Variants in DCC observed in about 807,000 individuals in gnomAD.
DCC encodes the protein netrin receptor DCC.
DCC carries 58 observed loss-of-function variants against 172.5 expected under a neutral mutation model. The observed-to-expected ratio is 0.34, with a 90% CI of 0.27 to 0.42. The LOEUF is 0.42. DCC is among the 10% of genes least tolerant of loss of function. The pLI is 1.00. For missense variants in DCC, 1,740 were observed against 1,791.0 expected (o/e 0.97, Z 0.51); for synonymous variants, 709 against 644.5 (o/e 1.10, Z -1.52).
intron 5 of DCC, among the ~76,000 whole-genome samples, chr18:53,022,036 A>G (rs549597908): frequency 6.6e-6 from 1 of 152,182 alleles, no homozygotes; most frequent in African/African-American, 2.4e-5. Flanking sequence ...TCCAGGTTAT[A>G]TTAATATTCT....
At chr18:52,497,351 A>ATG (rs1555689852) in intron 1 of DCC, among the ~76,000 whole-genome samples, 13 of 84,376 alleles carry the variant, frequency 1.5e-4, no homozygotes, top group Middle Eastern at 6.2e-3. Context: ...ATGCATATAT[A>ATG]TATACACACA....
intron 1 of DCC, among the ~76,000 whole-genome samples, chr18:52,454,229 G>A (rs961890991): frequency 1.3e-5 from 2 of 152,098 alleles, no homozygotes; most frequent in Non-Finnish European, 2.9e-5. Context: ...AACAAAAGCA[G>A]TAAATTTTGC....
intron 7 of DCC, among the ~76,000 whole-genome samples, chr18:53,101,347 G>A (rs2043169906): frequency 6.6e-6 from 1 of 152,068 alleles, no homozygotes. Context: ...CCTGCAGAAA[G>A]AGCTAGTTAG....
intron 23 of DCC, among the ~76,000 whole-genome samples, chr18:53,455,295 G>C (rs963227802): frequency 3.3e-5 from 5 of 152,146 alleles, no homozygotes; most frequent in African/African-American, 1.2e-4. Context: ...GACGATGCCT[G>C]AGTCCGTAGT....
intron 5 of DCC, among the ~76,000 whole-genome samples, chr18:53,053,696 T>C (rs2042364867): frequency 6.6e-6 from 1 of 152,144 alleles, no homozygotes; most frequent in African/African-American, 2.4e-5. Flanking sequence ...TAGAAAATAT[T>C]TGACTGAGGA....
chr18:52,689,201 A>G (rs1235883359), intron 1 of DCC, among the ~76,000 whole-genome samples: 1 of 152,154 alleles, frequency 6.6e-6, no homozygotes, highest in African/African-American at 2.4e-5. Flanking sequence ...TTGGAGCCAT[A>G]TGACTAAATC....
chr18:52,655,377 A>C (rs989924514), intron 1 of DCC, among the ~76,000 whole-genome samples: 1 of 152,178 alleles, frequency 6.6e-6, no homozygotes, highest in Non-Finnish European at 1.5e-5. Context: ...ACTTTCATTG[A>C]AAATGGCGGT....
At chr18:52,715,528 C>A (rs568447820) in intron 1 of DCC, among the ~76,000 whole-genome samples, 5 of 152,208 alleles carry the variant, frequency 3.3e-5, no homozygotes, top group African/African-American at 9.6e-5. Context: ...TGGTCTCAAG[C>A]TCCTTACCTC....
chr18:52,406,464 A>G (rs1269003472), intron 1 of DCC, among the ~76,000 whole-genome samples: 1 of 152,086 alleles, frequency 6.6e-6, no homozygotes, highest in Admixed American at 6.6e-5. Context: ...ATGAACTCAA[A>G]CAAATTTACA....
chr18:52,731,309 T>C (rs1006166531), intron 1 of DCC, among the ~76,000 whole-genome samples: 3 of 152,194 alleles, frequency 2.0e-5, no homozygotes, highest in Non-Finnish European at 4.4e-5. Flanking sequence ...AAAGTACAAA[T>C]TAATTTATTG....
chr18:53,345,178 T>A (rs1599045421), intron 15 of DCC, among the ~76,000 whole-genome samples: 1 of 151,772 alleles, frequency 6.6e-6, no homozygotes, highest in African/African-American at 2.4e-5. Flanking sequence ...CTGTCTTTTT[T>A]AATTTTAGCA....
chr18:52,359,606 T>A (rs1984530486), intron 1 of DCC, among the ~76,000 whole-genome samples: 1 of 152,152 alleles, frequency 6.6e-6, no homozygotes, highest in African/African-American at 2.4e-5. Flanking sequence ...GAAGTAGCCA[T>A]CCTGTGTTAC....
chr18:53,244,900 A>T (rs901629148), intron 12 of DCC, among the ~76,000 whole-genome samples: 1 of 152,168 alleles, frequency 6.6e-6, no homozygotes, highest in Non-Finnish European at 1.5e-5. Context: ...TAAGTCATTC[A>T]TCCTGCCTTT....
chr18:53,357,746 T>C (rs988585565), intron 15 of DCC, among the ~76,000 whole-genome samples: 2 of 152,174 alleles, frequency 1.3e-5, no homozygotes, highest in African/African-American at 2.4e-5. Flanking sequence ...TATTCCCTGC[T>C]TTTTCCCAAA....
At chr18:53,093,912 C>A (rs1297505356) in intron 7 of DCC, among the ~76,000 whole-genome samples, 1 of 152,146 alleles carries the variant, frequency 6.6e-6, no homozygotes, top group African/African-American at 2.4e-5. Flanking sequence ...GTCTGCTTAA[C>A]TCCTGTTTCC....
At chr18:53,292,654 A>G (rs1314287565) in intron 12 of DCC, among the ~76,000 whole-genome samples, 1 of 152,220 alleles carries the variant, frequency 6.6e-6, no homozygotes, top group Non-Finnish European at 1.5e-5. Context: ...GTGCCACTGC[A>G]CTCCAGCCTG....
chr18:53,511,538 A>G (rs375894238), intron 27 of DCC, among the ~76,000 whole-genome samples: 17 of 152,294 alleles, frequency 1.1e-4, no homozygotes, highest in East Asian at 9.7e-4. Context: ...CTGCATTTCC[A>G]TCTGAGGTAC....
At chr18:53,451,413 G>C (rs1374240731) in intron 23 of DCC, among the ~76,000 whole-genome samples, 1 of 152,202 alleles carries the variant, frequency 6.6e-6, no homozygotes, top group Non-Finnish European at 1.5e-5. Flanking sequence ...AGTGCTGGGA[G>C]TCAGCAATAA....
In DCC at chr18:53,446,107, A is replaced by C. The variant is rs558164440; in HGVS notation, c.3230-4393A>C. On this transcript the variant is annotated intron_variant, in intron 22 of 28. Coordinates refer to ENST00000442544, the MANE Select transcript of DCC (RefSeq NM_005215.4). ...GAAGACCCTGTCTCTACAAAAAAAAAAAAAAAACAAAAAAAAACACTTAAA... is the reference window on the plus strand; with the variant it reads ...GAAGACCCTGTCTCTACAAAAAAAACAAAAAAACAAAAAAAAACACTTAAA... Among the ~76,000 whole-genome samples the C allele has an allele frequency of 1.4e-4, 20 of 144,062 alleles. 2 individuals are homozygous for C. In the East Asian group the frequency reaches 2.9e-3, roughly 21 times the overall value. The allele number at this position is 144,062 out of a possible 152,430, so 94.5% of individuals were successfully genotyped here.
Sources: allele counts gnomAD v4.1 joint callset (sites outside exome capture counted in the v4.1 genomes callset), GRCh38; gene constraint gnomAD v4.1.1; transcripts MANE v1.5; gene names NCBI Gene and HGNC (gene_info 2026-07-23, HGNC 2026-07-21).